Variants in ARFGEF1 observed in about 807,000 individuals in gnomAD.
ARFGEF1 encodes brefeldin A-inhibited guanine nucleotide-exchange protein 1.
ARFGEF1 carries 42 observed loss-of-function variants against 231.0 expected under a neutral mutation model. That is an observed-to-expected ratio of 0.18 (90% CI 0.14 to 0.24). The LOEUF (loss-of-function observed/expected upper bound fraction) is 0.24, where lower values mean the gene tolerates loss of function less well. ARFGEF1 is among the 10% of genes least tolerant of loss of function. ARFGEF1 has a pLI of 1.00. For synonymous variants in ARFGEF1, 710 were observed against 732.3 expected, an observed-to-expected ratio of 0.97 and a Z score of 0.49; for missense variants, 1,345 against 2,192.0, an observed-to-expected ratio of 0.61 and a Z score of 7.72.
At chr8:67,200,606 A>AGT in intron 37 of ARFGEF1, 93 bp from the exon 38 acceptor site, 2 of 758,816 alleles carry the variant, frequency 2.6e-6, no homozygotes, top group Non-Finnish European at 2.2e-6. Flanking sequence ...AGTAGTGAAT[A>AGT]TGAACTATTC....
At chr8:67,212,049 C>A (rs887803549) in intron 33 of ARFGEF1, among the ~76,000 whole-genome samples, 1 of 150,900 alleles carries the variant, frequency 6.6e-6, no homozygotes, top group Admixed American at 6.6e-5. Flanking sequence ...TGGAGTCCAA[C>A]AGACCTACAC....
rs765034521 is a variant in ARFGEF1, at chr8:67,238,911, G to A, written c.2980-18C>T. The stretch of plus-strand genomic sequence containing the variant: ...CTCTCCAGCTATAAAAAAGAGAAAA[G>A]TATGTTTACACAGTTCTAAATAGAG... On this transcript the variant is annotated intron_variant, in intron 20 of 38. Transcript: ENST00000262215. 9 of 1,607,882 alleles carry A rather than the reference G, an allele frequency of 5.6e-6. No homozygotes were observed. Among genetic ancestry groups the A allele is most frequent in the African/African-American group, 2.7e-5 (2 of 74,620 alleles).
chr8:67,269,640 T>C (rs1804993065), intron 10 of ARFGEF1, among the ~76,000 whole-genome samples: 2 of 152,116 alleles, frequency 1.3e-5, no homozygotes, highest in South Asian at 4.1e-4. Context: ...TGTGAGCCAC[T>C]GTGCCCGGTG....
intron 14 of ARFGEF1, 102 bp from the exon 15 acceptor site, chr8:67,260,028 T>A: frequency 1.5e-6 from 1 of 657,366 alleles, no homozygotes; most frequent in Non-Finnish European, 2.6e-6. Flanking sequence ...CAGAAAATAG[T>A]AGCTTATTTA....
At chr8:67,195,475 C>G, downstream of ARFGEF1, 1 of 1,614,088 alleles carries the variant, frequency 6.2e-7, no homozygotes, top group East Asian at 2.2e-5. Flanking sequence ...TGGCTCCGCC[C>G]TGGCACTTCA....
chr8:67,270,795 C>T (rs1282350583), intron 10 of ARFGEF1, among the ~76,000 whole-genome samples: 1 of 149,846 alleles, frequency 6.7e-6, no homozygotes, highest in Non-Finnish European at 1.5e-5. Flanking sequence ...GAGGCGGACG[C>T]GGACAGATCA....
rs185327982 is a variant in ARFGEF1 at position 67,266,339 on chromosome 8, T to G, written c.1922-132A>C. 184 of 663,048 alleles carry G rather than the reference T, an allele frequency of 2.8e-4. 2 individuals are homozygous for G. In the African/African-American group the frequency reaches 2.9e-3, roughly 10 times the overall value. 41.1% of individuals were successfully genotyped at this position (663,048 alleles called of 1,614,324 possible). A position where few individuals can be genotyped will look rare whatever the true frequency, so the allele number is the denominator to read the frequency against. Reference sequence around the variant, plus strand: ...TATCTATTTAATACAAAATAACTATTAGGTAACATAGTAAACAACATACTT... The same window carrying G: ...TATCTATTTAATACAAAATAACTATGAGGTAACATAGTAAACAACATACTT... On this transcript the variant is annotated intron_variant, in intron 13 of 38. Coordinates refer to ENST00000262215, the MANE Select transcript of ARFGEF1 (RefSeq NM_006421.5).
In ARFGEF1 at chr8:67,188,675, G is replaced by A. The variant is rs972008832; in HGVS notation, c.560+11721C>T. On this transcript the variant is annotated intron_variant, in intron 5 of 5. Coordinates refer to the ARFGEF1 transcript ENST00000518789. ...TTGCTGTCCACCAGTGCTGTTTGCC[G>A]CCGTTGCAGACCTGCCACTGACTTC... 3.3e-5 allele frequency among the ~76,000 whole-genome samples: 5 copies of A among 152,242 alleles called. No homozygotes were observed. In the South Asian group the frequency reaches 6.2e-4, roughly 19 times the overall value.
Position 67,292,118 on chromosome 8 carries a change from C to A in ARFGEF1, c.645G>T (p.Gln215His). The A allele has an allele frequency of 6.2e-7, 1 of 1,607,244 alleles. No individual in the cohort carries two copies. The highest frequency in any genetic ancestry group is 8.5e-7 in the Non-Finnish European group (1 of 1,177,406). The change falls in exon 6 of 39, where the codon CAG (glutamine) becomes CAT (histidine). Residue 215 changes from glutamine to histidine, a missense_variant. This residue lies in a region of ARFGEF1 where 398 missense variants were observed against 463.2 expected (regional missense o/e 0.86). Coordinates refer to ENST00000262215, the MANE Select transcript of ARFGEF1 (RefSeq NM_006421.5). ...IFARMENQALQEAKQMEKERH... is the reference protein window; with the variant it reads ...IFARMENQALHEAKQMEKERH... ...TTTCTTTTTCCATTTGTTTTGCTTC[C>A]TGTAACTGGAAATAAATAAAATTTC... is the stretch of plus-strand genomic sequence containing the variant.
chr8:67,219,688 A>C, intron 29 of ARFGEF1, 128 bp from the exon 30 acceptor site: 1 of 968,720 alleles, frequency 1.0e-6, no homozygotes, highest in Non-Finnish European at 1.5e-6. Context: ...AACACATGAC[A>C]CTGGGTTTTA....
At chr8:67,309,814 C>G (rs1265537789) in intron 1 of ARFGEF1, among the ~76,000 whole-genome samples, 3 of 152,158 alleles carry the variant, frequency 2.0e-5, no homozygotes, top group Non-Finnish European at 2.9e-5. Context: ...TTTCTGACTG[C>G]AAACCACTAT....
In ARFGEF1 at chr8:67,198,691, G is replaced by T; in HGVS notation, c.*243C>A. ...CCGTGGAAGACAGGGAAGGACCCGT[G>T]AGCATGAGCTGACACTGTTTAAACA... On this transcript the variant is annotated 3_prime_UTR_variant, in exon 39 of 39. Transcript: ENST00000262215. The T allele has an allele frequency of 8.2e-7, 1 of 1,224,150 alleles. No individual in the cohort carries two copies. The highest frequency in any genetic ancestry group is 1.0e-6 in the Non-Finnish European group (1 of 980,072). 75.8% of individuals were successfully genotyped at this position (1,224,150 alleles called of 1,614,324 possible). A position where few individuals can be genotyped will look rare whatever the true frequency, so the allele number is the denominator to read the frequency against.
chr8:67,343,503 G>A lies in ARFGEF1; in HGVS notation c.-216C>T, dbSNP rs1242079010. 8.0e-7 allele frequency: 1 copy of A among 1,246,678 alleles called. No homozygotes were observed. Among genetic ancestry groups the A allele is most frequent in the Non-Finnish European group, 1.0e-6 (1 of 990,802 alleles). 77.2% of individuals were successfully genotyped at this position (1,246,678 alleles called of 1,614,324 possible). The stretch of plus-strand genomic sequence containing the variant: ...TCGAGGTCCTCGCCGCCCCCAAGAA[G>A]CCGTACCTCGAGGGCCGCGCCCGTC... On this transcript the variant is annotated 5_prime_UTR_variant, in exon 1 of 39. Coordinates refer to ENST00000262215, the MANE Select transcript of ARFGEF1 (RefSeq NM_006421.5).
chr8:67,207,059 A>G (rs556503642), intron 34 of ARFGEF1: 2 of 152,280 alleles, frequency 1.3e-5, no homozygotes, highest in Admixed American at 6.5e-5. Context: ...AGTTCTTAGT[A>G]CTAGATCACA....
intron 7 of ARFGEF1, among the ~76,000 whole-genome samples, chr8:67,282,900 A>G (rs1805597018): frequency 6.6e-6 from 1 of 152,010 alleles, no homozygotes; most frequent in Admixed American, 6.6e-5. Flanking sequence ...AAAGGTTCAA[A>G]CAAAACAAAG....
chr8:67,235,319 G>A (rs1839691740), intron 22 of ARFGEF1, among the ~76,000 whole-genome samples: 1 of 151,968 alleles, frequency 6.6e-6, no homozygotes, highest in Non-Finnish European at 1.5e-5. Flanking sequence ...GAATAGGGGT[G>A]TTAGCTCAAG....
At chr8:67,222,613 G>C (rs376912797) in intron 29 of ARFGEF1, among the ~76,000 whole-genome samples, 1 of 151,986 alleles carries the variant, frequency 6.6e-6, no homozygotes, top group African/African-American at 2.4e-5. Context: ...ACCACGCCTC[G>C]CTAATTTTTG....
intron 34 of ARFGEF1, among the ~76,000 whole-genome samples, chr8:67,205,892 ATAAAAT>A (rs1264642677): frequency 3.3e-5 from 5 of 151,456 alleles, no homozygotes; most frequent in Non-Finnish European, 7.4e-5. Context: ...AAATAAATAA[ATAAAAT>A]TAAAATAAAA....
At chr8:67,260,005 T>C (rs190693008) in intron 14 of ARFGEF1, 79 bp from the exon 15 acceptor site, 2 of 866,220 alleles carry the variant, frequency 2.3e-6, no homozygotes, top group Non-Finnish European at 3.6e-6. Context: ...ACAGTAAATT[T>C]TCTAATAGCA....
Sources: gnomAD v4.1 joint callset for allele counts (sites outside exome capture counted in the v4.1 genomes callset) on GRCh38, gnomAD v4.1.1 for gene constraint, gnomAD v4.1.1 regional missense constraint, MANE v1.5 for transcripts, NCBI Gene and HGNC (gene_info 2026-07-23, HGNC 2026-07-21) for gene names.